PDE4D: variants seen among roughly 807,000 people sequenced by gnomAD.
PDE4D encodes the protein 3',5'-cyclic-AMP phosphodiesterase 4D.
In PDE4D, 24 loss-of-function variants were observed where a neutral mutation model predicts 87.4. The ratio of observed to expected loss-of-function variants is 0.27; its 90% CI spans 0.20 to 0.39. The LOEUF is 0.39. Ranked by LOEUF, PDE4D falls within the 10% of genes least tolerant of loss-of-function variation. The pLI is 1.00. For missense variants in PDE4D, 714 were observed against 1,041.0 expected, an observed-to-expected ratio of 0.69 and a Z score of 4.32; for synonymous variants, 384 against 383.2, an observed-to-expected ratio of 1.00 and a Z score of -0.02.
In PDE4D at chr5:59,127,548, G is replaced by C. The variant is rs1775593573; in HGVS notation, c.808+53047C>G. ...CTTTTTAAAATACAGGAAACGCATA[G>C]AAGAAAGAAGAGTTCAGCTGGAGCC... is the stretch of plus-strand genomic sequence containing the variant. On this transcript the variant is annotated intron_variant, in intron 5 of 14. Transcript: ENST00000340635. Among the ~76,000 whole-genome samples the C allele has an allele frequency of 2.6e-5, 4 of 151,828 alleles. No individual in the cohort carries two copies. In the South Asian group the frequency reaches 8.3e-4, roughly 32 times the overall value.
At chr5:59,554,534 C>T (rs888983541) in intron 1 of PDE4D, among the ~76,000 whole-genome samples, 3 of 152,020 alleles carry the variant, frequency 2.0e-5, no homozygotes, top group South Asian at 2.1e-4. Flanking sequence ...CTAAATTTGG[C>T]GAGCAATATC....
intron 1 of PDE4D, among the ~76,000 whole-genome samples, chr5:59,708,777 T>A (rs1157782350): frequency 6.6e-6 from 1 of 152,180 alleles, no homozygotes; most frequent in East Asian, 1.9e-4. Flanking sequence ...GAACATAAAT[T>A]ATTAATTTTG....
chr5:60,255,445 T>A (rs1748945887), intron 1 of PDE4D, among the ~76,000 whole-genome samples: 1 of 151,888 alleles, frequency 6.6e-6, no homozygotes, highest in African/African-American at 2.4e-5. Context: ...CATGACTCAT[T>A]TATTATATCC....
intron 5 of PDE4D, among the ~76,000 whole-genome samples, chr5:59,177,696 C>G (rs545124814): frequency 5.9e-5 from 9 of 152,304 alleles, no homozygotes; most frequent in African/African-American, 1.9e-4. Context: ...GAGTTGCCCT[C>G]CGGAGGCACT....
At chr5:60,010,640 C>A (rs1764934246) in intron 2 of PDE4D, among the ~76,000 whole-genome samples, 1 of 152,094 alleles carries the variant, frequency 6.6e-6, no homozygotes, top group South Asian at 2.1e-4. Context: ...ACACTCGATT[C>A]TTTGTGCATT....
At chr5:60,371,644 G>T (rs1761040079) in intron 1 of PDE4D, among the ~76,000 whole-genome samples, 2 of 151,994 alleles carry the variant, frequency 1.3e-5, no homozygotes, top group South Asian at 4.1e-4. Context: ...AACATTGCAG[G>T]ACCCTAGAAG....
chr5:60,153,641 T>G (rs575679559), intron 2 of PDE4D, among the ~76,000 whole-genome samples: 2 of 152,264 alleles, frequency 1.3e-5, no homozygotes, highest in South Asian at 4.1e-4. Flanking sequence ...GATAGGTGAA[T>G]GGATAAAGAA....
intron 1 of PDE4D, among the ~76,000 whole-genome samples, chr5:59,877,782 G>A (rs1483795530): frequency 6.6e-6 from 1 of 152,084 alleles, no homozygotes; most frequent in African/African-American, 2.4e-5. Context: ...TCGCGCCACT[G>A]CACTCCAGCC....
rs528493015 is a variant in PDE4D at position 59,323,208 on chromosome 5, C to A, written c.456-107240G>T. Among the ~76,000 whole-genome samples, 250 of 152,216 alleles carry A rather than the reference C, an allele frequency of 1.6e-3. 1 individual carries two copies. The highest frequency in any genetic ancestry group is 5.5e-3 in the African/African-American group (228 of 41,550). On this transcript the variant is annotated intron_variant, in intron 1 of 14. Transcript: ENST00000340635. ...TCTAATCTTTTTATGCAAGATTCAA[C>A]TAAAATTTTTTTCTTTCATGAAGAA...
At chr5:59,513,093 G>C (rs948279734) in intron 1 of PDE4D, among the ~76,000 whole-genome samples, 1 of 151,952 alleles carries the variant, frequency 6.6e-6, no homozygotes, top group African/African-American at 2.4e-5. Context: ...AAATATAGAG[G>C]TTTTTCATGC....
At chr5:60,083,864 C>T (rs1389452231) in intron 2 of PDE4D, among the ~76,000 whole-genome samples, 1 of 152,136 alleles carries the variant, frequency 6.6e-6, no homozygotes, top group East Asian at 1.9e-4. Flanking sequence ...CGGTTATGGT[C>T]TGGCCTGGTG....
At chr5:59,503,729 G>A (rs1395747031) in intron 1 of PDE4D, among the ~76,000 whole-genome samples, 1 of 152,120 alleles carries the variant, frequency 6.6e-6, no homozygotes, top group Non-Finnish European at 1.5e-5. Context: ...TGTGGCCCCA[G>A]GTATGGTGAG....
At chr5:60,058,059 T>A (rs1019998184) in intron 2 of PDE4D, among the ~76,000 whole-genome samples, 4 of 151,932 alleles carry the variant, frequency 2.6e-5, no homozygotes, top group Admixed American at 6.6e-5. Context: ...AAAATACTGA[T>A]CCTCAGTCAA....
At chr5:60,051,048 A>T (rs1402899464) in intron 2 of PDE4D, among the ~76,000 whole-genome samples, 1 of 152,244 alleles carries the variant, frequency 6.6e-6, no homozygotes, top group East Asian at 1.9e-4. Context: ...GCAAGTTTGT[A>T]GAGAACTACA....
rs138518731 is a variant in PDE4D at position 59,252,826 on chromosome 5, C to T, written c.456-36858G>A. On this transcript the variant is annotated intron_variant, in intron 1 of 14. Coordinates refer to ENST00000340635, the MANE Select transcript of PDE4D (RefSeq NM_001104631.2). ...ATAGGTGTGAGCTACTGCACCCACC[C>T]AGCCATCATCTAGATTTTAAATGCC... Among the ~76,000 whole-genome samples the T allele has an allele frequency of 2.4e-3, 369 of 152,222 alleles. 3 individuals carry two copies. The highest frequency in any genetic ancestry group is 8.4e-3 in the African/African-American group (350 of 41,550).
intron 1 of PDE4D, among the ~76,000 whole-genome samples, chr5:59,269,697 T>A (rs1214269362): frequency 2.0e-5 from 3 of 152,094 alleles, no homozygotes; most frequent in Non-Finnish European, 4.4e-5. Context: ...ATGTACAAAC[T>A]CAGTGGCTGT....
chr5:60,185,242 C>A (rs1023602790), intron 2 of PDE4D, among the ~76,000 whole-genome samples: 14 of 151,902 alleles, frequency 9.2e-5, no homozygotes, highest in African/African-American at 3.1e-4. Context: ...ACATAAATTC[C>A]CTATATTTTG....
In PDE4D at chr5:59,123,014, C is replaced by T. The variant is rs192569580; in HGVS notation, c.808+57581G>A. Among the ~76,000 whole-genome samples, 130 of 152,006 alleles carry T rather than the reference C, an allele frequency of 8.6e-4. 1 individual carries two copies. Among genetic ancestry groups the T allele is most frequent in the Non-Finnish European group, 2.9e-5 (2 of 67,972 alleles). On this transcript the variant is annotated intron_variant, in intron 5 of 14. Transcript: ENST00000340635. ...TTAGGGTTTTTAAAATGGCATTCTG[C>T]ATTCTCTGTTTTTTTTGTTTTTTTT...
At chr5:59,372,344 A>C (rs1270497788) in intron 1 of PDE4D, among the ~76,000 whole-genome samples, 1 of 152,248 alleles carries the variant, frequency 6.6e-6, no homozygotes, top group Non-Finnish European at 1.5e-5. Flanking sequence ...TAAACTCTAG[A>C]ATGTTGGACA....
Sources: gnomAD v4.1 joint callset for allele counts (sites outside exome capture counted in the v4.1 genomes callset) on GRCh38, gnomAD v4.1.1 for gene constraint, MANE v1.5 for transcripts, NCBI Gene and HGNC (gene_info 2026-07-23, HGNC 2026-07-21) for gene names.